Variants in LHFPL2 observed in about 807,000 individuals in gnomAD.
LHFPL2 encodes the protein LHFPL tetraspan subfamily member 2, also known as LHFPL tetraspan subfamily member 2 protein.
Under a neutral mutation model 17.5 loss-of-function variants are expected in LHFPL2, and 7 were observed. The observed-to-expected ratio is 0.40, with a 90% CI of 0.23 to 0.75. The LOEUF (loss-of-function observed/expected upper bound fraction) is 0.75. Among genes scored for constraint, LHFPL2 ranks in the 30% least tolerant of loss-of-function variants. The pLI, the probability that LHFPL2 is intolerant of heterozygous loss-of-function variation, is 0.37. For synonymous variants in LHFPL2, 134 were observed against 116.2 expected, an observed-to-expected ratio of 1.15 and a Z score of -0.99; for missense variants, 241 against 294.8, an observed-to-expected ratio of 0.82 and a Z score of 1.34.
intron 3 of LHFPL2, among the ~76,000 whole-genome samples, chr5:78,524,985 G>A (rs1055406553): frequency 6.6e-6 from 1 of 152,112 alleles, no homozygotes; most frequent in Non-Finnish European, 1.5e-5. Flanking sequence ...GATATAACAG[G>A]GTTTCTCAAC....
chr5:78,544,451 G>T (rs1265706998), intron 3 of LHFPL2, among the ~76,000 whole-genome samples: 1 of 152,076 alleles, frequency 6.6e-6, no homozygotes, highest in African/African-American at 2.4e-5. Flanking sequence ...CATAGTAGGG[G>T]ACAGGGGTAG....
chr5:78,636,359 G>A (rs1434971608), intron 1 of LHFPL2, among the ~76,000 whole-genome samples: 1 of 152,228 alleles, frequency 6.6e-6, no homozygotes, highest in Non-Finnish European at 1.5e-5. Context: ...AAGTACAACA[G>A]TAAGTGAATT....
At chr5:78,564,322 C>G (rs1416106482) in intron 3 of LHFPL2, among the ~76,000 whole-genome samples, 2 of 152,084 alleles carry the variant, frequency 1.3e-5, no homozygotes, top group Non-Finnish European at 2.9e-5. Flanking sequence ...TAAATTAGAA[C>G]CTGTAGAATT....
At chr5:78,608,401 G>GCACT (rs1024501286) in intron 2 of LHFPL2, among the ~76,000 whole-genome samples, 2 of 152,054 alleles carry the variant, frequency 1.3e-5, no homozygotes, top group Non-Finnish European at 2.9e-5. Flanking sequence ...CTAATAAAGG[G>GCACT]CACTGTTTTA....
rs1468990945 is a variant in LHFPL2, at chr5:78,487,020, G to A, written c.*1877C>T. The A allele has an allele frequency of 6.6e-6, 1 of 152,132 alleles. No individual in the cohort carries two copies. The highest frequency in any genetic ancestry group is 1.5e-5 in the Non-Finnish European group (1 of 68,032). The allele number at this position is 152,132 out of a possible 1,614,324, so 9.4% of individuals were successfully genotyped here. A position where few individuals can be genotyped will look rare whatever the true frequency, so the allele number is the denominator to read the frequency against. On this transcript the variant is annotated 3_prime_UTR_variant, in exon 5 of 5. Transcript: ENST00000380345. ...AGTGGCTCCTCCAGCCTCTTTCTGT[G>A]TGGTGTTAGAGATATGGTTAAGGTT...
In LHFPL2 at chr5:78,510,354, C is replaced by A; in HGVS notation, c.-141G>T. 1 of 841,422 alleles carries A rather than the reference C, an allele frequency of 1.2e-6. No individual in the cohort carries two copies. The highest frequency in any genetic ancestry group is 1.9e-5 in the South Asian group (1 of 53,902). 52.1% of individuals were successfully genotyped at this position (841,422 alleles called of 1,614,324 possible). A position where few individuals can be genotyped will look rare whatever the true frequency, so the allele number is the denominator to read the frequency against. ...ACTCCCGCCGCCGGCCGCGTTCATG[C>A]TGGGGACAGCGCTCCCGGACCCAGA... On this transcript the variant is annotated 5_prime_UTR_variant, in exon 4 of 5. Coordinates refer to ENST00000380345, the MANE Select transcript of LHFPL2 (RefSeq NM_005779.3).
At chr5:78,545,146 A>C (rs189633194) in intron 3 of LHFPL2, among the ~76,000 whole-genome samples, 1 of 152,126 alleles carries the variant, frequency 6.6e-6, no homozygotes, top group Admixed American at 6.5e-5. Context: ...TTTCACAGCC[A>C]TTTGGTCCAA....
chr5:78,580,361 T>C (rs182030687), intron 2 of LHFPL2, among the ~76,000 whole-genome samples: 171 of 152,308 alleles, frequency 1.1e-3, no homozygotes, highest in African/African-American at 3.9e-3. Context: ...TAGATCCCAT[T>C]TGTCAATTCT....
At chr5:78,584,940 C>T (rs1217746538) in intron 2 of LHFPL2, among the ~76,000 whole-genome samples, 1 of 149,934 alleles carries the variant, frequency 6.7e-6, no homozygotes, top group African/African-American at 2.5e-5. Flanking sequence ...AACGAGACTC[C>T]GTGGGCGTAG....
At chr5:78,644,597 T>A in intron 1 of LHFPL2, 1 of 443,816 alleles carries the variant, frequency 2.3e-6, no homozygotes, top group Non-Finnish European at 4.2e-6. Context: ...TTCTTTTTTG[T>A]CTCCCATTTA....
chr5:78,532,301 C>A (rs1362337677), intron 3 of LHFPL2, among the ~76,000 whole-genome samples: 3 of 152,166 alleles, frequency 2.0e-5, no homozygotes, highest in African/African-American at 4.8e-5. Context: ...CTCAAGCGAT[C>A]CACCTGCCTT....
intron 2 of LHFPL2, among the ~76,000 whole-genome samples, chr5:78,627,814 C>A (rs558316124): frequency 1.3e-5 from 2 of 152,308 alleles, no homozygotes; most frequent in East Asian, 3.9e-4. Flanking sequence ...GAATAATGCT[C>A]AACTCAAAGG....
At chr5:78,611,390 G>A (rs1023124604) in intron 2 of LHFPL2, among the ~76,000 whole-genome samples, 3 of 152,228 alleles carry the variant, frequency 2.0e-5, no homozygotes, top group Admixed American at 6.6e-5. Context: ...GCAGGGCTCA[G>A]TGTCATCTTC....
intron 2 of LHFPL2, among the ~76,000 whole-genome samples, chr5:78,618,691 A>G (rs542094366): frequency 5.5e-4 from 84 of 152,286 alleles, no homozygotes; most frequent in South Asian, 5.4e-3. Flanking sequence ...CGTCATCTCT[A>G]TTGGTCAGGG....
chr5:78,537,908 G>C (rs551321396), intron 3 of LHFPL2, among the ~76,000 whole-genome samples: 2 of 152,194 alleles, frequency 1.3e-5, no homozygotes, highest in African/African-American at 4.8e-5. Flanking sequence ...GGGAAACCTG[G>C]AAATGGCCAT....
At chr5:78,646,859 T>C (rs1314996689) in intron 1 of LHFPL2, among the ~76,000 whole-genome samples, 3 of 152,162 alleles carry the variant, frequency 2.0e-5, no homozygotes, top group Non-Finnish European at 1.5e-5. Flanking sequence ...GGTTCACATA[T>C]CATGACTCAA....
At chr5:78,499,585 G>A (rs1027988954) in intron 4 of LHFPL2, among the ~76,000 whole-genome samples, 1 of 152,156 alleles carries the variant, frequency 6.6e-6, no homozygotes, top group African/African-American at 2.4e-5. Flanking sequence ...CATTTGTCCA[G>A]CTGAAGAGGA....
chr5:78,507,726 T>C (rs1754973187), intron 4 of LHFPL2, among the ~76,000 whole-genome samples: 1 of 151,776 alleles, frequency 6.6e-6, no homozygotes, highest in African/African-American at 2.4e-5. Flanking sequence ...TACCAGCAAA[T>C]CAATAAAGCC....
At chr5:78,639,744 G>A (rs1489273412) in intron 1 of LHFPL2, among the ~76,000 whole-genome samples, 2 of 152,332 alleles carry the variant, frequency 1.3e-5, no homozygotes, top group Non-Finnish European at 2.9e-5. Context: ...CAAAAACACT[G>A]CTTACTGGTA....
Sources: allele counts gnomAD v4.1 joint callset (sites outside exome capture counted in the v4.1 genomes callset), GRCh38; gene constraint gnomAD v4.1.1; transcripts MANE v1.5; gene names NCBI Gene and HGNC (gene_info 2026-07-23, HGNC 2026-07-21).